Variants in EDIL3 observed in about 807,000 individuals in gnomAD.
The protein encoded by EDIL3 is EGF-like repeat and discoidin I-like domain-containing protein 3.
Under a neutral mutation model 67.4 loss-of-function variants are expected in EDIL3, and 37 were observed. That is an observed-to-expected ratio of 0.55 (90% confidence interval 0.42 to 0.72). The LOEUF is 0.72. EDIL3 is among the 30% of genes least tolerant of loss of function. The pLI is 0.00. For synonymous variants in EDIL3, 195 were observed against 196.3 expected (o/e 0.99, Z 0.05); for missense variants, 527 against 586.3 (o/e 0.90, Z 1.04).
chr5:84,135,910 C>T (rs768865320), intron 5 of EDIL3, among the ~76,000 whole-genome samples: 2 of 151,842 alleles, frequency 1.3e-5, no homozygotes, highest in Non-Finnish European at 2.9e-5. Flanking sequence ...TAATGAGCAT[C>T]CCATTTTATA....
intron 3 of EDIL3, among the ~76,000 whole-genome samples, chr5:84,226,509 T>C (rs966225301): frequency 9.2e-5 from 14 of 151,820 alleles, no homozygotes; most frequent in African/African-American, 3.1e-4. Flanking sequence ...TAATTATTCG[T>C]ATTCCTTATG....
intron 9 of EDIL3, among the ~76,000 whole-genome samples, chr5:84,041,342 A>G (rs1338662319): frequency 6.6e-6 from 1 of 151,860 alleles, no homozygotes; most frequent in East Asian, 1.9e-4. Context: ...GTTTTCAGCC[A>G]GCCCATGCCA....
intron 9 of EDIL3, among the ~76,000 whole-genome samples, chr5:84,016,293 T>G (rs1420635694): frequency 2.0e-5 from 3 of 152,170 alleles, no homozygotes; most frequent in Non-Finnish European, 4.4e-5. Context: ...TAAAGTAAAG[T>G]TGAGTAAATC....
chr5:83,994,444 CA>C (rs3216693), intron 9 of EDIL3, among the ~76,000 whole-genome samples: 57,849 of 145,018 alleles, frequency 0.4, 11,473 homozygotes, highest in African/African-American at 0.51. Flanking sequence ...TTTTATTTAG[CA>C]AAAAAAAAAA....
At chr5:84,197,572 T>C (rs1443553763) in intron 3 of EDIL3, among the ~76,000 whole-genome samples, 3 of 151,940 alleles carry the variant, frequency 2.0e-5, no homozygotes, top group South Asian at 2.1e-4. Flanking sequence ...GGCAGGAGGA[T>C]TGCTTGAACC....
intron 1 of EDIL3, among the ~76,000 whole-genome samples, chr5:84,355,978 T>A (rs910759734): frequency 6.6e-6 from 1 of 151,952 alleles, no homozygotes; most frequent in South Asian, 2.1e-4. Flanking sequence ...TCCGTTAAAG[T>A]GAATGCTATG....
At chr5:84,371,335 ATATATATG>A (rs1288273336) in intron 1 of EDIL3, among the ~76,000 whole-genome samples, 8 of 144,372 alleles carry the variant, frequency 5.5e-5, no homozygotes, top group South Asian at 2.1e-4. Context: ...ATATATATAT[ATATATATG>A]TGTGTGTGTA....
chr5:83,980,166 C>T (rs896529054), intron 9 of EDIL3, among the ~76,000 whole-genome samples: 6 of 151,816 alleles, frequency 4.0e-5, no homozygotes, highest in Non-Finnish European at 8.8e-5. Context: ...ACCTATTTTC[C>T]TTTCTTTAGT....
intron 4 of EDIL3, among the ~76,000 whole-genome samples, chr5:84,141,810 A>G (rs1277109234): frequency 4.7e-5 from 7 of 148,534 alleles, no homozygotes; most frequent in African/African-American, 1.7e-4. Flanking sequence ...AATGTGTTTG[A>G]TCGTCCTTCT....
chr5:84,010,510 T>C (rs1474868823), intron 9 of EDIL3, among the ~76,000 whole-genome samples: 1 of 152,166 alleles, frequency 6.6e-6, no homozygotes, highest in Admixed American at 6.6e-5. Flanking sequence ...ACAGGTTCTA[T>C]TTCCTCCAAT....
chr5:84,193,843 C>A (rs1042392799), intron 3 of EDIL3, among the ~76,000 whole-genome samples: 1 of 151,860 alleles, frequency 6.6e-6, no homozygotes, highest in African/African-American at 2.4e-5. Flanking sequence ...TGTTTTCTTG[C>A]AGAACCCAAC....
intron 3 of EDIL3, among the ~76,000 whole-genome samples, chr5:84,214,003 G>T (rs1744178688): frequency 6.6e-6 from 1 of 152,132 alleles, no homozygotes; most frequent in Admixed American, 6.5e-5. Flanking sequence ...TACATGACCA[G>T]TGCTGTCCTC....
At chr5:84,158,645 T>C (rs776633980) in intron 4 of EDIL3, among the ~76,000 whole-genome samples, 1 of 152,040 alleles carries the variant, frequency 6.6e-6, no homozygotes, top group Non-Finnish European at 1.5e-5. Flanking sequence ...TTACTACTTA[T>C]CCCTCAATTA....
At chr5:84,073,083 CA>C (rs1746772234) in intron 6 of EDIL3, among the ~76,000 whole-genome samples, 2 of 152,032 alleles carry the variant, frequency 1.3e-5, no homozygotes, top group Non-Finnish European at 2.9e-5. Flanking sequence ...TAAACAGAAC[CA>C]AAGACAAAAA....
chr5:83,981,854 C>A (rs185814314), intron 9 of EDIL3, among the ~76,000 whole-genome samples: 2 of 152,076 alleles, frequency 1.3e-5, no homozygotes, highest in East Asian at 3.9e-4. Context: ...GAAGACTTTG[C>A]CATCTGCTAG....
chr5:84,358,707 T>C (rs1253861612), intron 1 of EDIL3, among the ~76,000 whole-genome samples: 2 of 149,740 alleles, frequency 1.3e-5, no homozygotes, highest in Non-Finnish European at 3.0e-5. Flanking sequence ...AGGTTCAGGT[T>C]CACACCATTC....
intron 9 of EDIL3, among the ~76,000 whole-genome samples, chr5:83,996,002 T>C (rs950742885): frequency 2.6e-5 from 4 of 152,170 alleles, no homozygotes; most frequent in Non-Finnish European, 4.4e-5. Context: ...TTATGAGTAA[T>C]CTTAAGCTTC....
At chr5:84,214,399 C>T (rs1356788002) in intron 3 of EDIL3, among the ~76,000 whole-genome samples, 1 of 151,862 alleles carries the variant, frequency 6.6e-6, no homozygotes, top group Non-Finnish European at 1.5e-5. Flanking sequence ...TGTATAACCC[C>T]CGCCCCCCGC....
At chr5:83,955,146 G>A (rs1744492459) in intron 10 of EDIL3, among the ~76,000 whole-genome samples, 1 of 151,596 alleles carries the variant, frequency 6.6e-6, no homozygotes, top group African/African-American at 2.4e-5. Flanking sequence ...TATGCAATTA[G>A]GTCTATTAAT....
Sources: gnomAD v4.1 joint callset for allele counts (sites outside exome capture counted in the v4.1 genomes callset) on GRCh38, gnomAD v4.1.1 for gene constraint, MANE v1.5 for transcripts, NCBI Gene and HGNC (gene_info 2026-07-23, HGNC 2026-07-21) for gene names.